The following SECISBP2L variants were observed in gnomAD, a reference collection of about 807,000 sequenced individuals.
The protein encoded by SECISBP2L is selenocysteine insertion sequence-binding protein 2-like.
Under a neutral mutation model 114.7 loss-of-function variants are expected in SECISBP2L, and 43 were observed. The observed-to-expected ratio is 0.38, with a 90% CI of 0.29 to 0.48. The LOEUF (loss-of-function observed/expected upper bound fraction) is 0.48. SECISBP2L is among the 20% of genes least tolerant of loss of function. SECISBP2L has a pLI of 0.98. For synonymous variants in SECISBP2L, 451 were observed against 439.7 expected, an observed-to-expected ratio of 1.03 and a Z score of -0.32; for missense variants, 1,136 against 1,301.1, an observed-to-expected ratio of 0.87 and a Z score of 1.95.
chr15:49,010,443 A>T (rs1295583986), intron 13 of SECISBP2L, among the ~76,000 whole-genome samples: 1 of 152,088 alleles, frequency 6.6e-6, no homozygotes, highest in Non-Finnish European at 1.5e-5. Flanking sequence ...AAACTCAGGA[A>T]ATTAGTTTGT....
chr15:49,045,725 A>T (rs999780181), intron 1 of SECISBP2L, among the ~76,000 whole-genome samples: 1 of 152,220 alleles, frequency 6.6e-6, no homozygotes, highest in African/African-American at 2.4e-5. Context: ...TTTGCAAAAT[A>T]ACTGGATAAA....
In SECISBP2L at chr15:48,992,370, C is replaced by T; in HGVS notation, c.3180G>A (p.Glu1060=). The T allele has an allele frequency of 6.2e-7, 1 of 1,614,184 alleles. No homozygotes were observed. The highest frequency in any genetic ancestry group is 8.5e-7 in the Non-Finnish European group (1 of 1,180,040). ...TCCATGCCTCACTGTCCATCCCTGG[C>T]TCCAGCACCTCAGGCGCCTCTGCTT... ...EEEAEAPEVL[E]PGMDSEAWTA... is the part of the protein sequence containing the mutation. Residue 1060 remains glutamate (E), a synonymous_variant, in exon 18 of 18, where the codon GAG becomes GAA. Coordinates refer to ENST00000559471, the MANE Select transcript of SECISBP2L (RefSeq NM_001193489.2).
chr15:49,030,946 T>G (rs1332339224), intron 4 of SECISBP2L, among the ~76,000 whole-genome samples: 1 of 152,142 alleles, frequency 6.6e-6, no homozygotes, highest in Non-Finnish European at 1.5e-5. Flanking sequence ...GTTCCTTTAT[T>G]TTAGCATTAG....
chr15:48,998,639 T>C (rs572578917), intron 16 of SECISBP2L, among the ~76,000 whole-genome samples: 5 of 152,246 alleles, frequency 3.3e-5, no homozygotes, highest in African/African-American at 1.2e-4. Context: ...AAGCCTTGAA[T>C]GTGAGGGTAA....
chr15:48,999,761 T>C (rs1902165117), intron 16 of SECISBP2L, 72 bp downstream of exon 16: 3 of 1,532,868 alleles, frequency 2.0e-6, no homozygotes, highest in Non-Finnish European at 2.7e-6. Context: ...AACACTGGCA[T>C]ATGTCAATCG....
intron 14 of SECISBP2L, among the ~76,000 whole-genome samples, chr15:49,004,678 T>C (rs1014313241): frequency 3.9e-5 from 6 of 152,224 alleles, no homozygotes; most frequent in Non-Finnish European, 8.8e-5. Flanking sequence ...TCTGCCTTAA[T>C]TTCGTTATTT....
At chr15:49,022,982 G>A (rs113877335) in intron 7 of SECISBP2L, among the ~76,000 whole-genome samples, 1,604 of 151,744 alleles carry the variant, frequency 0.011, 35 homozygotes, top group South Asian at 0.071. Flanking sequence ...TTTAGAGCAG[G>A]GGCAAAGCTC....
At chr15:49,013,596 C>T (rs1310583969) in intron 11 of SECISBP2L, among the ~76,000 whole-genome samples, 1 of 152,128 alleles carries the variant, frequency 6.6e-6, no homozygotes, top group Admixed American at 6.6e-5. Context: ...CACCCGGCCT[C>T]AGTAATTCTT....
chr15:49,016,766 A>C, intron 10 of SECISBP2L, 65 bp from the exon 11 acceptor site: 1 of 1,530,476 alleles, frequency 6.5e-7, no homozygotes, highest in Non-Finnish European at 8.8e-7. Context: ...TTTTAAGATG[A>C]CTACATTTAT....
chr15:49,019,972 C>A (rs2141074092), intron 7 of SECISBP2L, among the ~76,000 whole-genome samples: 1 of 152,240 alleles, frequency 6.6e-6, no homozygotes, highest in South Asian at 2.1e-4. Flanking sequence ...AAAGGCCAAT[C>A]CCAAAAAGAC....
At chr15:49,002,764 G>T (rs751935329) in intron 14 of SECISBP2L, among the ~76,000 whole-genome samples, 6 of 152,188 alleles carry the variant, frequency 3.9e-5, no homozygotes, top group Non-Finnish European at 7.3e-5. Context: ...GATGGTTGTA[G>T]ATGTGTGGAG....
intron 4 of SECISBP2L, among the ~76,000 whole-genome samples, chr15:49,030,803 GCT>G (rs958284745): frequency 2.0e-5 from 3 of 152,028 alleles, no homozygotes; most frequent in Non-Finnish European, 2.9e-5. Flanking sequence ...CTGTTTCTGG[GCT>G]CTCTGTTCTG....
chr15:49,016,782 C>T, intron 10 of SECISBP2L, 66 bp downstream of exon 10: 1 of 1,555,168 alleles, frequency 6.4e-7, no homozygotes, highest in African/African-American at 1.4e-5. Context: ...TTTATCACTC[C>T]TTCTATCTAT....
At chr15:49,043,652 C>T (rs970902447) in intron 1 of SECISBP2L, among the ~76,000 whole-genome samples, 2 of 146,410 alleles carry the variant, frequency 1.4e-5, no homozygotes, top group Non-Finnish European at 3.0e-5. Context: ...ATATACCAAG[C>T]AACACATATT....
chr15:49,010,283 C>A (rs1175075811), intron 13 of SECISBP2L, among the ~76,000 whole-genome samples: 2 of 151,940 alleles, frequency 1.3e-5, no homozygotes, highest in African/African-American at 4.8e-5. Context: ...CTACCTCACC[C>A]TCTCCACACC....
intron 3 of SECISBP2L, among the ~76,000 whole-genome samples, chr15:49,034,833 T>A (rs1902972803): frequency 6.6e-6 from 1 of 151,932 alleles, no homozygotes; most frequent in African/African-American, 2.4e-5. Context: ...CCAGCTAATT[T>A]TTGTATTTTT....
At chr15:49,021,987 T>C (rs972195445) in intron 7 of SECISBP2L, among the ~76,000 whole-genome samples, 70 of 152,240 alleles carry the variant, frequency 4.6e-4, no homozygotes, top group African/African-American at 1.6e-3. Context: ...TAGCACAAAA[T>C]TAATTTAAAA....
intron 14 of SECISBP2L, among the ~76,000 whole-genome samples, chr15:49,004,058 A>G (rs1371986628): frequency 2.6e-5 from 4 of 152,056 alleles, no homozygotes; most frequent in African/African-American, 9.7e-5. Flanking sequence ...GGCTGTGAAT[A>G]TGTCTGGTTC....
intron 17 of SECISBP2L, among the ~76,000 whole-genome samples, chr15:48,994,842 G>GAAAA (rs34085482): frequency 7.5e-6 from 1 of 133,042 alleles, no homozygotes; most frequent in African/African-American, 2.7e-5. Flanking sequence ...AAGTGCTGGG[G>GAAAA]AAAAAAAAAA....
Sources: allele counts gnomAD v4.1 joint callset (sites outside exome capture counted in the v4.1 genomes callset), GRCh38; gene constraint gnomAD v4.1.1; transcripts MANE v1.5; gene names NCBI Gene and HGNC (gene_info 2026-07-23, HGNC 2026-07-21).